DOCK1: variants seen among roughly 807,000 people sequenced by gnomAD.
The protein encoded by DOCK1 is dedicator of cytokinesis protein 1.
Under a neutral mutation model 262.7 loss-of-function variants are expected in DOCK1, and 138 were observed. The observed-to-expected ratio is 0.53, with a 90% CI of 0.46 to 0.61. The LOEUF (loss-of-function observed/expected upper bound fraction) is 0.61. Among genes scored for constraint, DOCK1 ranks in the 20% least tolerant of loss-of-function variants. The pLI is 0.00. For synonymous variants in DOCK1, 866 were observed against 867.4 expected, an observed-to-expected ratio of 1.00 and a Z score of 0.03; for missense variants, 1,908 against 2,370.7, an observed-to-expected ratio of 0.80 and a Z score of 4.05.
intron 27 of DOCK1, among the ~76,000 whole-genome samples, chr10:127,228,878 A>T (rs555929650): frequency 2.5e-4 from 38 of 152,136 alleles, no homozygotes; most frequent in Non-Finnish European, 4.9e-4. Context: ...AGCTAAATTG[A>T]GCTAACTAAC....
intron 10 of DOCK1, among the ~76,000 whole-genome samples, chr10:127,002,257 CTT>C (rs1442564605): frequency 2.6e-5 from 4 of 152,156 alleles, no homozygotes; most frequent in African/African-American, 7.2e-5. Flanking sequence ...AGTCGCTCCT[CTT>C]TTCAACAGCA....
intron 38 of DOCK1, among the ~76,000 whole-genome samples, chr10:127,400,776 A>G (rs1286524963): frequency 1.3e-5 from 2 of 151,530 alleles, no homozygotes; most frequent in African/African-American, 4.9e-5. Flanking sequence ...CTAAATCCTC[A>G]CCCACCTCCC....
intron 27 of DOCK1, among the ~76,000 whole-genome samples, chr10:127,237,272 A>G (rs1389100965): frequency 6.6e-6 from 1 of 151,664 alleles, no homozygotes; most frequent in Non-Finnish European, 1.5e-5. Context: ...AGGCAGGAGA[A>G]GCACTTGAAC....
chr10:127,186,321 C>G (rs1415854983), intron 27 of DOCK1, among the ~76,000 whole-genome samples: 2 of 152,164 alleles, frequency 1.3e-5, no homozygotes, highest in African/African-American at 4.8e-5. Flanking sequence ...AAAGGAGAAG[C>G]AGGCACCTTC....
intron 23 of DOCK1, among the ~76,000 whole-genome samples, chr10:127,081,959 T>C (rs1418510405): frequency 6.6e-6 from 1 of 152,158 alleles, no homozygotes; most frequent in East Asian, 1.9e-4. Context: ...CTCATACATG[T>C]GGTGGTTCTT....
chr10:127,303,345 G>A (rs1718991469), intron 29 of DOCK1, among the ~76,000 whole-genome samples: 1 of 152,160 alleles, frequency 6.6e-6, no homozygotes. Flanking sequence ...CTCATGTCAA[G>A]GGTGTGGATT....
chr10:127,415,259 G>C, intron 44 of DOCK1, 21 bp downstream of exon 44: 1 of 1,607,976 alleles, frequency 6.2e-7, no homozygotes, highest in South Asian at 1.1e-5. Flanking sequence ...CCCCACCCCA[G>C]AAGGAATTGT....
intron 31 of DOCK1, among the ~76,000 whole-genome samples, chr10:127,349,841 C>T (rs960007325): frequency 6.6e-6 from 1 of 152,270 alleles, no homozygotes; most frequent in Non-Finnish European, 1.5e-5. Flanking sequence ...TGGCCTTCTT[C>T]TTTGTGTCTT....
At chr10:126,929,793 T>A (rs1048227643) in intron 1 of DOCK1, among the ~76,000 whole-genome samples, 10 of 152,070 alleles carry the variant, frequency 6.6e-5, no homozygotes, top group Admixed American at 6.5e-5. Context: ...AGTTGCATGA[T>A]TTAAAAACAA....
chr10:127,403,218 T>C lies in DOCK1; in HGVS notation c.4017+74T>C, dbSNP rs866094342. 1.2e-5 allele frequency: 18 copies of C among 1,467,940 alleles called. No homozygotes were observed. In the Middle Eastern group the frequency reaches 1.2e-3, roughly 97 times the overall value. The allele number at this position is 1,467,940 out of a possible 1,614,324, so 90.9% of individuals were successfully genotyped here. A position where few individuals can be genotyped will look rare whatever the true frequency, so the allele number is the denominator to read the frequency against. On this transcript the variant is annotated intron_variant, in intron 39 of 51. Coordinates refer to ENST00000623213, the MANE Select transcript of DOCK1 (RefSeq NM_001290223.2). ...GGTTTTTCAGGAATCTCTCTTTCCA[T>C]GTCAATGTTAGGGTTCACCCCAGGC...
chr10:126,934,747 G>GT (rs1166445414), intron 1 of DOCK1, among the ~76,000 whole-genome samples: 34,974 of 105,602 alleles, frequency 0.33, 6,825 homozygotes, highest in African/African-American at 0.39. Context: ...GAATTTACGA[G>GT]TTTTTTTTTT....
intron 10 of DOCK1, chr10:127,001,466 C>T (rs2040591977): frequency 1.3e-5 from 2 of 152,178 alleles, no homozygotes; most frequent in African/African-American, 4.8e-5. Flanking sequence ...CACATCGTCG[C>T]CCTGTGAAGT....
Position 127,106,230 on chromosome 10 carries a change from G to T in DOCK1, c.2446-1G>T. 1 of 1,582,484 alleles carries T rather than the reference G, an allele frequency of 6.3e-7. No homozygotes were observed. On this transcript the variant is annotated splice_acceptor_variant, in intron 23 of 51. Transcript: ENST00000623213. LOFTEE classifies it high-confidence loss of function. ...CAGCCTTCTTGTTTCTTGATTTGCAGGGGGCAGCACTGAAATACTTACCAA... is the reference window on the plus strand; with the variant it reads ...CAGCCTTCTTGTTTCTTGATTTGCATGGGGCAGCACTGAAATACTTACCAA...
At chr10:127,083,469 C>G (rs1481708976) in intron 23 of DOCK1, among the ~76,000 whole-genome samples, 3 of 152,244 alleles carry the variant, frequency 2.0e-5, no homozygotes, top group East Asian at 1.9e-4. Context: ...TTTGAGAAAC[C>G]CTTCGGCTAT....
At chr10:126,942,430 C>G in intron 1 of DOCK1, among the ~76,000 whole-genome samples, 1 of 152,240 alleles carries the variant, frequency 6.6e-6, no homozygotes, top group East Asian at 1.9e-4. Context: ...GTGAAGCTCA[C>G]TTTTAGTTTC....
chr10:127,366,452 G>A (rs890285779), intron 33 of DOCK1, among the ~76,000 whole-genome samples: 6 of 152,056 alleles, frequency 3.9e-5, no homozygotes, highest in Non-Finnish European at 5.9e-5. Flanking sequence ...CCTGGCCTCC[G>A]TGGCAGTCGG....
intron 31 of DOCK1, among the ~76,000 whole-genome samples, chr10:127,351,541 T>C (rs1333704977): frequency 2.0e-5 from 3 of 151,956 alleles, no homozygotes; most frequent in Admixed American, 6.6e-5. Flanking sequence ...TCTACTCTCC[T>C]TCCCGGTGAG....
Position 127,452,339 on chromosome 10 carries a change from G to C in DOCK1, c.*912G>C, listed in dbSNP as rs1051039. 68,010 of 151,168 alleles carry C rather than the reference G, an allele frequency of 0.45. 16,455 individuals carry two copies. Among genetic ancestry groups the C allele is most frequent in the Middle Eastern group, 0.59 (173 of 294 alleles). 9.4% of individuals were successfully genotyped at this position (151,168 alleles called of 1,614,324 possible). On this transcript the variant is annotated 3_prime_UTR_variant, in exon 52 of 52. Coordinates refer to ENST00000623213, the MANE Select transcript of DOCK1 (RefSeq NM_001290223.2). ...ACACACACACACACATTTTTTTTTT[G>C]AGAACTCCAAAGTCCTGAAAATTTT... is the stretch of plus-strand genomic sequence containing the variant.
chr10:127,260,739 G>GCC (rs2060004946), intron 29 of DOCK1, among the ~76,000 whole-genome samples: 1 of 145,576 alleles, frequency 6.9e-6, no homozygotes, highest in African/African-American at 2.6e-5. Context: ...GCGTGTGGGT[G>GCC]TGCATGTGTG....
Sources: allele counts gnomAD v4.1 joint callset (sites outside exome capture counted in the v4.1 genomes callset), GRCh38; gene constraint gnomAD v4.1.1; transcripts MANE v1.5; gene names NCBI Gene and HGNC (gene_info 2026-07-23, HGNC 2026-07-21).